The following TTC28 variants were observed in gnomAD, a reference collection of about 807,000 sequenced individuals.
TTC28 encodes tetratricopeptide repeat domain 28.
Under a neutral mutation model 198.0 loss-of-function variants are expected in TTC28, and 61 were observed. That is an observed-to-expected ratio of 0.31 (90% CI 0.25 to 0.38). The LOEUF (loss-of-function observed/expected upper bound fraction) is 0.38. TTC28 is among the 10% of genes least tolerant of loss of function. The probability of loss-of-function intolerance (pLI) is 1.00; values close to 1 mark genes in which losing one functional copy is unlikely to be tolerated. For synonymous variants in TTC28, 1,171 were observed against 1,297.8 expected, an observed-to-expected ratio of 0.90 and a Z score of 2.10; for missense variants, 2,678 against 3,164.0, an observed-to-expected ratio of 0.85 and a Z score of 3.69.
At chr22:28,096,429 C>T in intron 10 of TTC28, 21 bp from the exon 11 acceptor site, 2 of 1,549,530 alleles carry the variant, frequency 1.3e-6, no homozygotes, top group Non-Finnish European at 1.7e-6. Flanking sequence ...AAGAGATATG[C>T]CGAGGAGTCC....
chr22:28,348,578 T>C (rs1885485491), intron 2 of TTC28, among the ~76,000 whole-genome samples: 1 of 152,302 alleles, frequency 6.6e-6, no homozygotes, highest in East Asian at 1.9e-4. Context: ...CCAGACCTAC[T>C]TCTCCATGCC....
intron 6 of TTC28, among the ~76,000 whole-genome samples, chr22:28,108,883 C>G (rs1234943865): frequency 6.6e-6 from 1 of 152,122 alleles, no homozygotes; most frequent in Non-Finnish European, 1.5e-5. Context: ...CAATGAAATG[C>G]AAAATAAAGC....
At chr22:28,177,135 G>T (rs1490812135) in intron 5 of TTC28, among the ~76,000 whole-genome samples, 1 of 152,036 alleles carries the variant, frequency 6.6e-6, no homozygotes, top group African/African-American at 2.4e-5. Flanking sequence ...AATGATAAAA[G>T]ACTTATATCA....
At chr22:28,463,217 G>A (rs866579535) in intron 2 of TTC28, among the ~76,000 whole-genome samples, 1 of 152,208 alleles carries the variant, frequency 6.6e-6, no homozygotes, top group Admixed American at 6.5e-5. Context: ...ATGGTAGCGT[G>A]ATGCCTCCAG....
intron 2 of TTC28, among the ~76,000 whole-genome samples, chr22:28,625,377 A>C (rs1226540736): frequency 6.6e-6 from 1 of 152,240 alleles, no homozygotes; most frequent in Non-Finnish European, 1.5e-5. Context: ...CATGACACAA[A>C]GTACAGAAAA....
chr22:28,626,637 G>A (rs1158975532), intron 2 of TTC28, among the ~76,000 whole-genome samples: 1 of 151,940 alleles, frequency 6.6e-6, no homozygotes, highest in East Asian at 1.9e-4. Context: ...TTCTTTTGCA[G>A]TACTGAACAT....
intron 2 of TTC28, among the ~76,000 whole-genome samples, chr22:28,585,501 G>A (rs1414535272): frequency 6.6e-6 from 1 of 152,202 alleles, no homozygotes; most frequent in African/African-American, 2.4e-5. Context: ...GCAAGCGATA[G>A]AGAGCGGCTG....
At chr22:28,207,929 T>G (rs1339047932) in intron 5 of TTC28, among the ~76,000 whole-genome samples, 1 of 152,132 alleles carries the variant, frequency 6.6e-6, no homozygotes, top group African/African-American at 2.4e-5. Flanking sequence ...TTGACTCGCA[T>G]GAGGTTTGTC....
At chr22:27,996,301 G>A (rs974608107) in intron 16 of TTC28, 42 bp from the exon 17 acceptor site, 1 of 1,540,844 alleles carries the variant, frequency 6.5e-7, no homozygotes, top group African/African-American at 1.4e-5. Flanking sequence ...GGCAGCTGGA[G>A]ACCCCCAGCC....
chr22:28,673,563 A>G (rs1049033960), intron 1 of TTC28, among the ~76,000 whole-genome samples: 2 of 152,206 alleles, frequency 1.3e-5, no homozygotes, highest in African/African-American at 2.4e-5. Flanking sequence ...CATTCTTTGC[A>G]CTCACAGAAT....
intron 1 of TTC28, among the ~76,000 whole-genome samples, chr22:28,671,182 T>TG (rs1182318038): frequency 1.3e-5 from 2 of 151,970 alleles, no homozygotes; most frequent in African/African-American, 4.8e-5. Context: ...TGGGCTCAAG[T>TG]GATCCTCCCA....
intron 6 of TTC28, among the ~76,000 whole-genome samples, chr22:28,113,479 C>T (rs1050807552): frequency 6.6e-6 from 1 of 152,156 alleles, no homozygotes; most frequent in Non-Finnish European, 1.5e-5. Flanking sequence ...GATTCGTCTC[C>T]AGTGAGAGGA....
chr22:28,474,922 T>C (rs2048141202), intron 2 of TTC28, among the ~76,000 whole-genome samples: 2 of 151,582 alleles, frequency 1.3e-5, no homozygotes, highest in Non-Finnish European at 2.9e-5. Flanking sequence ...TGCACATATA[T>C]GAGAATTTCA....
chr22:28,613,945 G>T (rs1383165251), intron 2 of TTC28, among the ~76,000 whole-genome samples: 1 of 152,196 alleles, frequency 6.6e-6, no homozygotes, highest in African/African-American at 2.4e-5. Context: ...TCTGGCCAGA[G>T]AAATCAGGCA....
intron 12 of TTC28, among the ~76,000 whole-genome samples, chr22:28,036,321 T>C (rs1225911791): frequency 6.6e-6 from 1 of 152,216 alleles, no homozygotes; most frequent in African/African-American, 2.4e-5. Flanking sequence ...AAACTGTCTC[T>C]CACACCACAG....
chr22:28,144,685 C>T (rs531901796), intron 6 of TTC28, among the ~76,000 whole-genome samples: 11 of 152,320 alleles, frequency 7.2e-5, no homozygotes, highest in South Asian at 6.2e-4. Context: ...TGTCAATTTA[C>T]GTGGCATCAA....
At chr22:28,526,572 C>T (rs756938560) in intron 2 of TTC28, among the ~76,000 whole-genome samples, 3 of 152,082 alleles carry the variant, frequency 2.0e-5, no homozygotes, top group Non-Finnish European at 2.9e-5. Flanking sequence ...CTAAGTAGAA[C>T]GCCCACAGTC....
intron 2 of TTC28, among the ~76,000 whole-genome samples, chr22:28,312,225 G>C (rs2045273444): frequency 6.6e-6 from 1 of 152,186 alleles, no homozygotes; most frequent in South Asian, 2.1e-4. Context: ...CAAGTTCTTA[G>C]AGACCTACAA....
At chr22:28,333,526 G>A (rs2045650486) in intron 2 of TTC28, among the ~76,000 whole-genome samples, 1 of 152,008 alleles carries the variant, frequency 6.6e-6, no homozygotes, top group Non-Finnish European at 1.5e-5. Context: ...TGATGCCAGG[G>A]AGTAACTTCC....
Sources: gnomAD v4.1 joint callset for allele counts (sites outside exome capture counted in the v4.1 genomes callset) on GRCh38, gnomAD v4.1.1 for gene constraint, MANE v1.5 for transcripts, NCBI Gene and HGNC (gene_info 2026-07-23, HGNC 2026-07-21) for gene names.